The following SLC24A2 variants were observed in gnomAD, a reference collection of about 807,000 sequenced individuals.
SLC24A2 encodes the protein sodium/potassium/calcium exchanger 2.
In SLC24A2, 36 loss-of-function variants were observed where a neutral mutation model predicts 62.0. The ratio of observed to expected loss-of-function variants is 0.58; its 90% CI spans 0.44 to 0.77. The LOEUF (loss-of-function observed/expected upper bound fraction) is 0.77, where lower values mean the gene tolerates loss of function less well. Among genes scored for constraint, SLC24A2 ranks in the 30% least tolerant of loss-of-function variants. The pLI is 0.00. For synonymous variants in SLC24A2, 358 were observed against 294.0 expected, an observed-to-expected ratio of 1.22 and a Z score of -2.23; for missense variants, 846 against 817.9, an observed-to-expected ratio of 1.03 and a Z score of -0.42.
chr9:19,980,216 T>C, the SLC24A2 span, among the ~76,000 whole-genome samples: 2 of 152,158 alleles, frequency 1.3e-5, no homozygotes, highest in Non-Finnish European at 2.9e-5. Flanking sequence ...ATCACTGAAA[T>C]TGCAGATTCT....
At chr9:20,004,779 A>C in the SLC24A2 span, among the ~76,000 whole-genome samples, 3 of 151,928 alleles carry the variant, frequency 2.0e-5, no homozygotes, top group Admixed American at 6.6e-5. Context: ...GCTTTTATGA[A>C]GCATGCCCAA....
the SLC24A2 span, among the ~76,000 whole-genome samples, chr9:20,207,986 A>G: frequency 6.6e-6 from 1 of 152,234 alleles, no homozygotes; most frequent in South Asian, 2.1e-4. Context: ...CTTATTCAAG[A>G]CACAAACAGA....
intron 2 of SLC24A2, among the ~76,000 whole-genome samples, chr9:19,746,974 A>G (rs1343755147): frequency 6.6e-6 from 1 of 152,120 alleles, no homozygotes; most frequent in Non-Finnish European, 1.5e-5. Context: ...TAACAAGAAC[A>G]ATCCCAGTTG....
upstream of SLC24A2, among the ~76,000 whole-genome samples, chr9:19,792,399 T>A (rs1198314517): frequency 6.6e-6 from 1 of 152,026 alleles, no homozygotes; most frequent in South Asian, 2.1e-4. Flanking sequence ...GTGAAAGAGA[T>A]GGTTGAGGGC....
chr9:20,163,317 A>G, the SLC24A2 span, among the ~76,000 whole-genome samples: 1 of 152,150 alleles, frequency 6.6e-6, no homozygotes, highest in Non-Finnish European at 1.5e-5. Flanking sequence ...AAAAATCACA[A>G]GCATTCTTAT....
intron 2 of SLC24A2, among the ~76,000 whole-genome samples, chr9:19,703,195 T>C (rs1158321476): frequency 1.3e-5 from 2 of 152,200 alleles, no homozygotes; most frequent in African/African-American, 2.4e-5. Context: ...TTTTTGGAAA[T>C]GACATGATGG....
the SLC24A2 span, among the ~76,000 whole-genome samples, chr9:20,273,288 A>C: frequency 6.6e-6 from 1 of 152,206 alleles, no homozygotes; most frequent in African/African-American, 2.4e-5. Context: ...CCCTGAAAGT[A>C]AGTTATAAAA....
intron 2 of SLC24A2, among the ~76,000 whole-genome samples, chr9:19,651,330 G>C (rs562238895): frequency 6.6e-6 from 1 of 152,316 alleles, no homozygotes; most frequent in African/African-American, 2.4e-5. Context: ...AATGGTGAAG[G>C]TGATGTTATC....
At chr9:19,719,618 G>T (rs1820964980) in intron 2 of SLC24A2, among the ~76,000 whole-genome samples, 1 of 152,152 alleles carries the variant, frequency 6.6e-6, no homozygotes, top group African/African-American at 2.4e-5. Context: ...GAACCAGCCT[G>T]GGTTGCACTT....
At chr9:19,797,663 G>A in the SLC24A2 span, among the ~76,000 whole-genome samples, 33 of 152,314 alleles carry the variant, frequency 2.2e-4, no homozygotes. Context: ...GCTGCCAGCA[G>A]TATGAGAGCT....
At chr9:19,894,585 G>A in the SLC24A2 span, among the ~76,000 whole-genome samples, 1 of 151,992 alleles carries the variant, frequency 6.6e-6, no homozygotes, top group Non-Finnish European at 1.5e-5. Context: ...ATGGATGCCT[G>A]GAGAGCCAAC....
At chr9:19,810,959 C>A in the SLC24A2 span, among the ~76,000 whole-genome samples, 1 of 145,504 alleles carries the variant, frequency 6.9e-6, no homozygotes, top group Admixed American at 7.4e-5. Flanking sequence ...AAATAAAATT[C>A]TTCTTCTTAT....
chr9:20,027,353 T>G, the SLC24A2 span, among the ~76,000 whole-genome samples: 1 of 152,162 alleles, frequency 6.6e-6, no homozygotes, highest in Non-Finnish European at 1.5e-5. Context: ...TACATTCCCA[T>G]GTTTACTGCA....
rs1564009420 is a variant in SLC24A2 at position 19,636,284 on chromosome 9, C to CTTT, written c.931-13986_931-13985insAAA. 3.3e-3 allele frequency among the ~76,000 whole-genome samples: 254 copies of CTTT among 75,988 alleles called. 57 individuals are homozygous for CTTT. Among genetic ancestry groups the CTTT allele is most frequent in the African/African-American group, 0.014 (233 of 16,668 alleles). 49.9% of individuals were successfully genotyped at this position (75,988 alleles called of 152,430 possible). A position where few individuals can be genotyped will look rare whatever the true frequency, so the allele number is the denominator to read the frequency against. On this transcript the variant is annotated intron_variant, in intron 2 of 10. Coordinates refer to ENST00000341998, the MANE Select transcript of SLC24A2 (RefSeq NM_020344.4). ...TCTTTTCTTCTCTTCTTCTCTTCTT[C>CTTT]TCTTCTTTTCTTTTCTTTTCTTTTC...
chr9:20,087,928 C>T, the SLC24A2 span, among the ~76,000 whole-genome samples: 48 of 152,250 alleles, frequency 3.2e-4, 1 homozygote, highest in South Asian at 9.1e-3. Flanking sequence ...AGTGAGTGAG[C>T]GATCCGGGGA....
rs376550283 is a variant in SLC24A2, at chr9:19,530,234, G to A, written c.1480-2096C>T. Among the ~76,000 whole-genome samples the A allele has an allele frequency of 5.9e-5, 9 of 151,796 alleles. No homozygotes were observed. In the South Asian group the frequency reaches 1.5e-3, roughly 25 times the overall value. On this transcript the variant is annotated intron_variant, in intron 8 of 10. Transcript: ENST00000341998. ...CACAGTCACTGTTTCAGGATCCTACGTGCAATGAGGGTTTCATCTTCCATG... is the reference window on the plus strand; with the variant it reads ...CACAGTCACTGTTTCAGGATCCTACATGCAATGAGGGTTTCATCTTCCATG...
chr9:20,062,647 TCATTAAACTAAAGAG>T, the SLC24A2 span, among the ~76,000 whole-genome samples: 2 of 138,854 alleles, frequency 1.4e-5, no homozygotes, highest in African/African-American at 5.6e-5. Context: ...AAATGGGATC[TCATTAAACTAAAGAG>T]CTTCTGCACA....
At chr9:20,124,171 C>G in the SLC24A2 span, among the ~76,000 whole-genome samples, 7 of 152,068 alleles carry the variant, frequency 4.6e-5, no homozygotes, top group African/African-American at 1.7e-4. Flanking sequence ...CTGAGCATAA[C>G]TATACGATTC....
At chr9:19,934,554 C>T in the SLC24A2 span, among the ~76,000 whole-genome samples, 1 of 152,186 alleles carries the variant, frequency 6.6e-6, no homozygotes, top group African/African-American at 2.4e-5. The surrounding 1 kb of genome is among the most constrained non-coding windows in gnomAD (Gnocchi z 4.1). Flanking sequence ...TGGCGGGGCT[C>T]CGGAGCCTCC....
Sources: gnomAD v4.1 joint callset for allele counts (sites outside exome capture counted in the v4.1 genomes callset) on GRCh38, gnomAD v4.1.1 for gene constraint, Gnocchi (gnomAD v3.1) non-coding constraint, MANE v1.5 for transcripts, NCBI Gene and HGNC (gene_info 2026-07-23, HGNC 2026-07-21) for gene names.